ANKRD44: variants seen among roughly 807,000 people sequenced by gnomAD.
ANKRD44 encodes the protein ankyrin repeat domain 44.
Under a neutral mutation model 116.0 loss-of-function variants are expected in ANKRD44, and 35 were observed. The observed-to-expected ratio is 0.30, with a 90% confidence interval of 0.23 to 0.40. The LOEUF (loss-of-function observed/expected upper bound fraction) is 0.40. Ranked by LOEUF, ANKRD44 falls within the 10% of genes least tolerant of loss-of-function variation. The probability of loss-of-function intolerance (pLI) is 1.00; values close to 1 mark genes in which losing one functional copy is unlikely to be tolerated. For synonymous variants in ANKRD44, 435 were observed against 461.8 expected (o/e 0.94, Z 0.74); for missense variants, 1,014 against 1,242.6 (o/e 0.82, Z 2.77).
At chr2:197,022,534 G>T (rs146040455) in intron 17 of ANKRD44, among the ~76,000 whole-genome samples, 47 of 152,270 alleles carry the variant, frequency 3.1e-4, no homozygotes, top group African/African-American at 9.9e-4. Context: ...ATTGCCCCCA[G>T]CTACTCTCCT....
intron 1 of ANKRD44, among the ~76,000 whole-genome samples, chr2:197,305,856 T>C (rs1271642661): frequency 6.6e-6 from 1 of 151,500 alleles, no homozygotes; most frequent in Non-Finnish European, 1.5e-5. Flanking sequence ...AGGAAACATA[T>C]CAAAATGTCA....
At chr2:197,161,936 G>A (rs1334169519) in intron 2 of ANKRD44, among the ~76,000 whole-genome samples, 1 of 152,136 alleles carries the variant, frequency 6.6e-6, no homozygotes, top group Admixed American at 6.5e-5. Flanking sequence ...TAGCACATCA[G>A]ACTTCCACTT....
chr2:197,142,794 C>T (rs760793742), intron 3 of ANKRD44, among the ~76,000 whole-genome samples: 6 of 152,008 alleles, frequency 3.9e-5, no homozygotes, highest in Admixed American at 2.0e-4. Context: ...GTAAGAAGCA[C>T]ATTTTGAAAA....
chr2:197,216,560 G>T (rs945945349), intron 1 of ANKRD44, among the ~76,000 whole-genome samples: 2 of 152,126 alleles, frequency 1.3e-5, no homozygotes, highest in Admixed American at 6.5e-5. Flanking sequence ...GCATTATCCA[G>T]GCTGACCAGA....
At chr2:196,970,908 G>A (rs1203501116) in intron 21 of ANKRD44, among the ~76,000 whole-genome samples, 1 of 152,050 alleles carries the variant, frequency 6.6e-6, no homozygotes, top group Non-Finnish European at 1.5e-5. Context: ...TTGCCATGTT[G>A]CTCACACTTG....
intron 17 of ANKRD44, among the ~76,000 whole-genome samples, chr2:197,019,238 T>G (rs1451639099): frequency 2.0e-5 from 3 of 152,232 alleles, no homozygotes; most frequent in Admixed American, 6.5e-5. Flanking sequence ...CTTGCTCTTC[T>G]ACTACACACA....
At chr2:197,028,003 T>C (rs1213959567) in intron 16 of ANKRD44, among the ~76,000 whole-genome samples, 1 of 152,142 alleles carries the variant, frequency 6.6e-6, no homozygotes, top group Non-Finnish European at 1.5e-5. Context: ...GGTCTGAGAA[T>C]TGATCACTGA....
At chr2:197,129,399 T>C (rs1243360272) in intron 4 of ANKRD44, among the ~76,000 whole-genome samples, 1 of 152,148 alleles carries the variant, frequency 6.6e-6, no homozygotes, top group Non-Finnish European at 1.5e-5. Flanking sequence ...CCTCCCAAAG[T>C]GCTGGGGTTA....
chr2:197,178,765 C>T (rs769182928), intron 2 of ANKRD44, among the ~76,000 whole-genome samples: 24 of 152,162 alleles, frequency 1.6e-4, no homozygotes, highest in African/African-American at 4.6e-4. Flanking sequence ...TTTTGTATTC[C>T]GCTGTTTTCA....
At chr2:196,976,202 TCTTGGCTTA>T (rs1346038588) in intron 21 of ANKRD44, among the ~76,000 whole-genome samples, 1 of 152,050 alleles carries the variant, frequency 6.6e-6, no homozygotes, top group Non-Finnish European at 1.5e-5. Flanking sequence ...AGTGGCGCAA[TCTTGGCTTA>T]CTGTAACCTC....
chr2:197,087,110 T>A (rs2077943200), intron 12 of ANKRD44, among the ~76,000 whole-genome samples: 1 of 152,212 alleles, frequency 6.6e-6, no homozygotes, highest in Non-Finnish European at 1.5e-5. Context: ...CACTTAAACC[T>A]ATAATAATTT....
intron 2 of ANKRD44, among the ~76,000 whole-genome samples, chr2:197,148,322 A>C (rs1002507306): frequency 2.0e-5 from 3 of 152,068 alleles, no homozygotes; most frequent in Non-Finnish European, 4.4e-5. Context: ...GCTCAGCATA[A>C]ATTGGCTGAA....
intron 1 of ANKRD44, among the ~76,000 whole-genome samples, chr2:197,271,313 C>A (rs2082892520): frequency 6.6e-6 from 1 of 152,138 alleles, no homozygotes; most frequent in Non-Finnish European, 1.5e-5. Context: ...ATAAAACAGG[C>A]CTGAGGGAGC....
At chr2:197,015,589 A>G in intron 17 of ANKRD44, 1 of 530,750 alleles carries the variant, frequency 1.9e-6, no homozygotes, top group African/African-American at 1.9e-5. Context: ...TGGAGGAAGT[A>G]ATTTTGGCTG....
intron 18 of ANKRD44, among the ~76,000 whole-genome samples, chr2:197,010,940 C>A (rs1022530403): frequency 6.6e-6 from 1 of 152,326 alleles, no homozygotes; most frequent in East Asian, 1.9e-4. Flanking sequence ...AATTAGCTTG[C>A]ATTCATCAAC....
chr2:197,019,835 C>T lies in ANKRD44; in HGVS notation c.1722+5361G>A, dbSNP rs555617204. On this transcript the variant is annotated intron_variant, in intron 17 of 27. Transcript: ENST00000282272. ...TTTTTGAGCTGGAGTCTCATTCCGT[C>T]GCCCAGGCTGGAGTGCAGTGGTGCC... Among the ~76,000 whole-genome samples the T allele has an allele frequency of 7.1e-4, 107 of 149,948 alleles. 5 individuals carry two copies. The South Asian group carries it at 0.02, about 29-fold the overall frequency.
chr2:197,000,371 G>C lies in ANKRD44; in HGVS notation c.2519+48C>G, dbSNP rs372181821. On this transcript the variant is annotated intron_variant, in intron 23 of 27. Transcript: ENST00000282272. Reference sequence around the variant, plus strand: ...TTGGCTACTCTGCAACTGCAAAGCAGAGGGTAAGATTCATCAAGAAAAAAG... The same window carrying C: ...TTGGCTACTCTGCAACTGCAAAGCACAGGGTAAGATTCATCAAGAAAAAAG... 15 of 1,459,738 alleles carry C rather than the reference G, an allele frequency of 1.0e-5. No individual in the cohort carries two copies. In the African/African-American group the frequency reaches 1.4e-4, roughly 14 times the overall value. 90.4% of individuals were successfully genotyped at this position (1,459,738 alleles called of 1,614,324 possible). A position where few individuals can be genotyped will look rare whatever the true frequency, so the allele number is the denominator to read the frequency against.
At chr2:197,274,000 T>A (rs1172859566) in intron 1 of ANKRD44, among the ~76,000 whole-genome samples, 2,370 of 54,272 alleles carry the variant, frequency 0.044, 381 homozygotes, top group South Asian at 0.068. Context: ...TATATATATA[T>A]ATATATATAT....
intron 2 of ANKRD44, among the ~76,000 whole-genome samples, chr2:197,170,218 G>A (rs1286858554): frequency 7.3e-6 from 1 of 137,016 alleles, no homozygotes; most frequent in African/African-American, 2.7e-5. Context: ...AAAAAAACTG[G>A]GAGGCATTCA....
Sources: allele counts gnomAD v4.1 joint callset (sites outside exome capture counted in the v4.1 genomes callset), GRCh38; gene constraint gnomAD v4.1.1; transcripts MANE v1.5; gene names NCBI Gene and HGNC (gene_info 2026-07-23, HGNC 2026-07-21).